Variants in BANP observed in about 807,000 individuals in gnomAD.
The protein encoded by BANP is protein BANP.
A neutral mutation model predicts 68.1 loss-of-function variants in BANP; 11 were observed. The observed-to-expected ratio is 0.16, with a 90% CI of 0.10 to 0.27. BANP has a LOEUF of 0.27. Ranked by LOEUF, BANP falls within the 10% of genes least tolerant of loss-of-function variation. The pLI, the probability that BANP is intolerant of heterozygous loss-of-function variation, is 1.00. For synonymous variants in BANP, 329 were observed against 303.2 expected (o/e 1.09, Z -0.88); for missense variants, 504 against 722.7 (o/e 0.70, Z 3.47).
chr16:88,072,122 G>A lies in BANP; in HGVS notation c.1431G>A (p.Ala477=), dbSNP rs771260984. The change falls in exon 13 of 14, where the codon GCG becomes GCA. Residue 477 remains alanine (A), a synonymous_variant. Coordinates refer to ENST00000682872, the MANE Select transcript of BANP (RefSeq NM_001386991.1). ...IAVASSDPAA[A]GVDGSPLQGS... ...TGGCCTCCTCGGACCCCGCGGCGGC[G>A]GGCGTGGATGGGTCGCCACTCCAGG... 319 of 1,607,932 alleles carry A rather than the reference G, an allele frequency of 2.0e-4. No homozygotes were observed. The highest frequency in any genetic ancestry group is 5.0e-4 in the Middle Eastern group (3 of 5,990).
In BANP at chr16:87,984,192, C is replaced by G. The variant is rs1459416289; in HGVS notation, c.295C>G (p.Pro99Ala). 6 of 1,607,404 alleles carry G rather than the reference C, an allele frequency of 3.7e-6. No individual in the cohort carries two copies. The highest frequency in any genetic ancestry group is 5.1e-6 in the Non-Finnish European group (6 of 1,176,246). Residue 99 changes from proline to alanine, a missense_variant, in exon 4 of 14, where the codon CCC (proline) becomes GCC (alanine). By Grantham distance (27) the Pro-to-Ala change is conservative (BLOSUM62 -1). This residue lies in a region of BANP where 238 missense variants were observed against 278.9 expected (regional missense o/e 0.85). Coordinates refer to ENST00000682872, the MANE Select transcript of BANP (RefSeq NM_001386991.1). The stretch of plus-strand genomic sequence containing the variant: ...TCTGGTCACGAACAAGCAGCACAGC[C>G]CCATCCAGGTCCCCATGGTGGCCGG... The part of the protein sequence containing the change: ...LDLVTNKQHS[P>A]IQVPMVAGSP...
chr16:87,985,735 G>A (rs978951301), intron 4 of BANP, among the ~76,000 whole-genome samples: 7 of 151,972 alleles, frequency 4.6e-5, no homozygotes, highest in Non-Finnish European at 7.4e-5. Flanking sequence ...CCTGGTGACC[G>A]GGGGGCAGTC....
rs899262638 is a variant in BANP at position 88,036,044 on chromosome 16, C to A, written c.1272+650C>A. Among the ~76,000 whole-genome samples, 1 of 152,216 alleles carries A rather than the reference C, an allele frequency of 6.6e-6. No homozygotes were observed. The highest frequency in any genetic ancestry group is 1.9e-4 in the East Asian group (1 of 5,192). On this transcript the variant is annotated intron_variant, in intron 10 of 13. Coordinates refer to ENST00000682872, the MANE Select transcript of BANP (RefSeq NM_001386991.1). The surrounding 1 kb of genome is among the most constrained non-coding windows in gnomAD (Gnocchi z 4.2). ...TTGGAAAGCCGAGGCCAGCCTGTTG[C>A]GATGCTCCATGTTTGCATGCCAGAG...
Position 88,077,100 on chromosome 16 carries a change from G to T in BANP, c.*439G>T. ...ACGGGAGCCCTTTGCTGTGTGCTCT[G>T]TCCAGTGTCATGAGACGGGAGCCCT... On this transcript the variant is annotated 3_prime_UTR_variant, in exon 14 of 14. Coordinates refer to ENST00000682872, the MANE Select transcript of BANP (RefSeq NM_001386991.1). The T allele has an allele frequency of 5.4e-6, 1 of 185,872 alleles. No individual in the cohort carries two copies. Among genetic ancestry groups the T allele is most frequent in the Non-Finnish European group, 1.2e-5 (1 of 86,900 alleles). The allele number at this position is 185,872 out of a possible 1,614,324, so 11.5% of individuals were successfully genotyped here. A position where few individuals can be genotyped will look rare whatever the true frequency, so the allele number is the denominator to read the frequency against.
intron 1 of BANP, among the ~76,000 whole-genome samples, chr16:87,953,450 C>G (rs1194398678): frequency 6.6e-6 from 1 of 152,128 alleles, no homozygotes; most frequent in East Asian, 1.9e-4. Context: ...CTCAAGTGAT[C>G]CTCAGCCTCC....
At chr16:88,044,221 A>G (rs1161448253) in intron 11 of BANP, among the ~76,000 whole-genome samples, 1 of 152,220 alleles carries the variant, frequency 6.6e-6, no homozygotes, top group East Asian at 1.9e-4. Context: ...GCTGGACTCT[A>G]CCAGCATCTG....
At chr16:88,032,428 G>A (rs1420814293) in intron 8 of BANP, among the ~76,000 whole-genome samples, 2 of 151,886 alleles carry the variant, frequency 1.3e-5, no homozygotes, top group African/African-American at 2.4e-5. Flanking sequence ...TCTTGAACTC[G>A]TGACCTCAGG....
rs1427712285 is a variant in BANP at position 88,003,681 on chromosome 16, G to C, written c.363-614G>C. On this transcript the variant is annotated intron_variant, in intron 4 of 13. Transcript: ENST00000682872. The surrounding 1 kb of genome is among the most constrained non-coding windows in gnomAD (Gnocchi z 6.1). ...CTGGGCCATGGTCTGTTCTTTTGTAGAATCTTTTCCTTCAAAGCAGAACCC... is the reference window on the plus strand; with the variant it reads ...CTGGGCCATGGTCTGTTCTTTTGTACAATCTTTTCCTTCAAAGCAGAACCC... The C allele has an allele frequency of 5.5e-6, 2 of 361,874 alleles. No homozygotes were observed. Among genetic ancestry groups the C allele is most frequent in the East Asian group, 1.5e-4 (2 of 13,080 alleles). The allele number at this position is 361,874 out of a possible 1,614,324, so 22.4% of individuals were successfully genotyped here.
At chr16:87,971,118 C>T (rs1344932107) in intron 1 of BANP, among the ~76,000 whole-genome samples, 2 of 151,884 alleles carry the variant, frequency 1.3e-5, no homozygotes, top group Non-Finnish European at 2.9e-5. Context: ...AGAACTCTAC[C>T]ACTCCTTATA....
chr16:87,991,075 A>G (rs2065788300), intron 4 of BANP, among the ~76,000 whole-genome samples: 1 of 152,208 alleles, frequency 6.6e-6, no homozygotes, highest in Non-Finnish European at 1.5e-5. Flanking sequence ...TGCATACTTT[A>G]AGTGACCTAA....
At chr16:87,964,288 C>A (rs191980367) in intron 1 of BANP, among the ~76,000 whole-genome samples, 1 of 152,256 alleles carries the variant, frequency 6.6e-6, no homozygotes, top group Non-Finnish European at 1.5e-5. Flanking sequence ...GCCCGGTGCC[C>A]TGCTGAGAAC....
Position 88,004,559 on chromosome 16 carries a change from C to G in BANP, c.479+148C>G, listed in dbSNP as rs1458478939. 1 of 585,748 alleles carries G rather than the reference C, an allele frequency of 1.7e-6. No individual in the cohort carries two copies. The highest frequency in any genetic ancestry group is 3.0e-6 in the Non-Finnish European group (1 of 335,668). 36.3% of individuals were successfully genotyped at this position (585,748 alleles called of 1,614,324 possible). A position where few individuals can be genotyped will look rare whatever the true frequency, so the allele number is the denominator to read the frequency against. ...GAGCCTGGCAGGCACCGCCCCAGCT[C>G]TCTGAGGTCGGGGAGGGCAGGCTGG... On this transcript the variant is annotated intron_variant, in intron 5 of 13. Coordinates refer to ENST00000682872, the MANE Select transcript of BANP (RefSeq NM_001386991.1). This position sits in a 1 kb window ranked among gnomAD's most constrained non-coding sequence, Gnocchi z 7.0.
At position 88,027,544 on chromosome 16, in the gene BANP, C is replaced by T. The variant is rs74740586; in HGVS notation, c.957C>T (p.Ile319=). ...ACTGGTACCGAATCAAGCAGAGCAT[C>T]GACTCCAAGTGCCGCACGGCGTGGC... ...ESDWYRIKQS[I]DSKCRTAWRR... The change falls in exon 8 of 14, where the codon ATC becomes ATT. Residue 319 remains isoleucine (I), a synonymous_variant. Coordinates refer to ENST00000682872, the MANE Select transcript of BANP (RefSeq NM_001386991.1). The T allele has an allele frequency of 0.27, 435,870 of 1,613,700 alleles. 63,695 individuals are homozygous for T. Among genetic ancestry groups the T allele is most frequent in the East Asian group, 0.59 (26,260 of 44,826 alleles).
rs190970694 is a variant in BANP, at chr16:88,040,225, G to A, written c.1311+2214G>A. 1.2e-3 allele frequency among the ~76,000 whole-genome samples: 184 copies of A among 151,530 alleles called. 1 individual carries two copies. The highest frequency in any genetic ancestry group is 4.2e-3 in the African/African-American group (175 of 41,298). ...GCCTTTTCTGGTGAATCTGTGTAGC[G>A]AACCCCCTCGTTTTCCATTTGTGGA... On this transcript the variant is annotated intron_variant, in intron 11 of 13. Transcript: ENST00000682872.
chr16:88,064,753 G>T lies in BANP; in HGVS notation c.1312-514G>T, dbSNP rs2088004967. 6.6e-6 allele frequency among the ~76,000 whole-genome samples: 1 copy of T among 152,218 alleles called. No homozygotes were observed. Among genetic ancestry groups the T allele is most frequent in the Non-Finnish European group, 1.5e-5 (1 of 68,036 alleles). On this transcript the variant is annotated intron_variant, in intron 11 of 13. Coordinates refer to ENST00000682872, the MANE Select transcript of BANP (RefSeq NM_001386991.1). This position sits in a 1 kb window ranked among gnomAD's most constrained non-coding sequence, Gnocchi z 4.5. Reference sequence around the variant, plus strand: ...GGAGCCTGGTGCCTTCATGCGGTTGGGGGTGCTGCCGCTCTTGCCCGCAGG... The same window carrying T: ...GGAGCCTGGTGCCTTCATGCGGTTGTGGGTGCTGCCGCTCTTGCCCGCAGG...
chr16:87,968,484 C>CAAAAAAA (rs67671706), intron 1 of BANP, among the ~76,000 whole-genome samples: 1 of 128,680 alleles, frequency 7.8e-6, no homozygotes, highest in Non-Finnish European at 1.6e-5. Context: ...AACTCTGTCT[C>CAAAAAAA]AAAAAAAAAA....
At position 88,076,833 on chromosome 16, in the gene BANP, G is replaced by C. The variant is rs1460891194; in HGVS notation, c.*172G>C. 1.7e-6 allele frequency: 1 copy of C among 595,398 alleles called. No homozygotes were observed. The highest frequency in any genetic ancestry group is 2.9e-6 in the Non-Finnish European group (1 of 346,264). 36.9% of individuals were successfully genotyped at this position (595,398 alleles called of 1,614,324 possible). On this transcript the variant is annotated 3_prime_UTR_variant, in exon 14 of 14. Transcript: ENST00000682872. The stretch of plus-strand genomic sequence containing the variant: ...CATCCTATCAACTGAAAGAGCAGCC[G>C]CCGCCGCCCCCAGCCGGAGACCCCT...
At chr16:87,974,333 C>T (rs1194237460) in intron 1 of BANP, among the ~76,000 whole-genome samples, 2 of 152,140 alleles carry the variant, frequency 1.3e-5, no homozygotes, top group African/African-American at 2.4e-5. Flanking sequence ...GGAGGAAAGC[C>T]CCTGACTGTG....
chr16:88,027,754 G>T, intron 8 of BANP, 104 bp downstream of exon 8: 1 of 1,386,044 alleles, frequency 7.2e-7, no homozygotes. Context: ...TCCACCAGTG[G>T]CCGGGAGCCG....
Sources: gnomAD v4.1 joint callset for allele counts (sites outside exome capture counted in the v4.1 genomes callset) on GRCh38, gnomAD v4.1.1 for gene constraint, gnomAD v4.1.1 regional missense constraint, Gnocchi (gnomAD v3.1) non-coding constraint, MANE v1.5 for transcripts, NCBI Gene and HGNC (gene_info 2026-07-23, HGNC 2026-07-21) for gene names.